Variants in HECW1 observed in about 807,000 individuals in gnomAD.
The protein encoded by HECW1 is E3 ubiquitin-protein ligase HECW1.
In HECW1, 61 loss-of-function variants were observed where a neutral mutation model predicts 182.3. The ratio of observed to expected loss-of-function variants is 0.33; its 90% CI spans 0.27 to 0.41. The LOEUF (loss-of-function observed/expected upper bound fraction) is 0.41, where lower values mean the gene tolerates loss of function less well. HECW1 is among the 10% of genes least tolerant of loss of function. The pLI is 1.00. For missense variants in HECW1, 1,739 were observed against 2,108.9 expected (o/e 0.82, Z 3.44); for synonymous variants, 859 against 832.6 (o/e 1.03, Z -0.55).
chr7:43,171,640 C>G (rs1791704793), intron 2 of HECW1, among the ~76,000 whole-genome samples: 1 of 152,186 alleles, frequency 6.6e-6, no homozygotes, highest in South Asian at 2.1e-4. Context: ...GGGCGTTTAG[C>G]TCATATCCTA....
At chr7:43,338,823 TAA>T (rs529051887) in intron 5 of HECW1, among the ~76,000 whole-genome samples, 6 of 138,308 alleles carry the variant, frequency 4.3e-5, no homozygotes, top group African/African-American at 2.8e-5. Flanking sequence ...CATTTTCCTC[TAA>T]AAAAAAAAAA....
At chr7:43,200,889 G>A (rs1158191042) in intron 2 of HECW1, among the ~76,000 whole-genome samples, 2 of 152,206 alleles carry the variant, frequency 1.3e-5, no homozygotes, top group African/African-American at 4.8e-5. Context: ...CAGCAAGATG[G>A]GAAACCTTAC....
Position 43,436,895 on chromosome 7 carries a change from C to CA in HECW1, c.802-1107dup, listed in dbSNP as rs1351761840. On this transcript the variant is annotated intron_variant, in intron 8 of 29. Coordinates refer to ENST00000395891, the MANE Select transcript of HECW1 (RefSeq NM_015052.5). The stretch of plus-strand genomic sequence containing the variant: ...TGTATATTGTTTTGAGATGGAGTCT[C>CA]ACTCTGTCACCCAGGCTGGAGTCCA... Among the ~76,000 whole-genome samples the CA allele has an allele frequency of 2.0e-5, 3 of 152,228 alleles. No individual in the cohort carries two copies. The East Asian group carries it at 5.8e-4, about 29-fold the overall frequency.
chr7:43,305,489 C>G (rs1807428111), intron 3 of HECW1, among the ~76,000 whole-genome samples: 1 of 152,050 alleles, frequency 6.6e-6, no homozygotes, highest in Non-Finnish European at 1.5e-5. Context: ...GGCTCAAATC[C>G]CCATTTCCTG....
At chr7:43,308,778 C>T (rs1038972842) in intron 3 of HECW1, among the ~76,000 whole-genome samples, 2 of 152,116 alleles carry the variant, frequency 1.3e-5, no homozygotes, top group Non-Finnish European at 2.9e-5. Context: ...CCTGCCAACA[C>T]GCCCGGCTAA....
At chr7:43,115,956 C>A (rs1785010720) in intron 2 of HECW1, among the ~76,000 whole-genome samples, 1 of 152,144 alleles carries the variant, frequency 6.6e-6, no homozygotes, top group Non-Finnish European at 1.5e-5. Flanking sequence ...ATTCATCTCT[C>A]CAGCACCTAG....
intron 6 of HECW1, among the ~76,000 whole-genome samples, chr7:43,367,368 A>C (rs1584649875): frequency 6.6e-6 from 1 of 152,248 alleles, no homozygotes; most frequent in East Asian, 1.9e-4. Flanking sequence ...CAAAATTTTG[A>C]GACTTAGTCC....
chr7:43,355,475 A>T (rs774111518), intron 5 of HECW1, among the ~76,000 whole-genome samples: 4 of 151,896 alleles, frequency 2.6e-5, no homozygotes, highest in Non-Finnish European at 5.9e-5. Flanking sequence ...CTTTTTTTTA[A>T]ATTTGTTCTT....
chr7:43,398,597 G>A (rs921925468), intron 7 of HECW1, among the ~76,000 whole-genome samples: 14 of 151,908 alleles, frequency 9.2e-5, no homozygotes, highest in Admixed American at 7.2e-4. Flanking sequence ...GTGTTAGCAT[G>A]TGTATATCTA....
intron 19 of HECW1, among the ~76,000 whole-genome samples, chr7:43,496,766 G>T (rs1309057252): frequency 6.6e-6 from 1 of 152,264 alleles, no homozygotes; most frequent in East Asian, 1.9e-4. Flanking sequence ...TGACAGCAGT[G>T]ACTTGCGGTG....
intron 16 of HECW1, among the ~76,000 whole-genome samples, chr7:43,478,454 T>C (rs1303511906): frequency 6.6e-6 from 1 of 152,158 alleles, no homozygotes; most frequent in Non-Finnish European, 1.5e-5. Flanking sequence ...AGCATTATTT[T>C]AAAACAGTAA....
At chr7:43,384,928 G>A (rs2074708324) in intron 6 of HECW1, among the ~76,000 whole-genome samples, 1 of 151,826 alleles carries the variant, frequency 6.6e-6, no homozygotes, top group African/African-American at 2.4e-5. Context: ...TTAAAAAGTA[G>A]AATCAAAGCA....
At chr7:43,247,937 GA>G (rs1799580522) in intron 3 of HECW1, among the ~76,000 whole-genome samples, 2 of 135,070 alleles carry the variant, frequency 1.5e-5, no homozygotes, top group Non-Finnish European at 3.1e-5. Context: ...GGAAAAAAGA[GA>G]GAGAAAAAAG....
At chr7:43,405,217 G>A (rs571927726) in intron 7 of HECW1, among the ~76,000 whole-genome samples, 7 of 152,220 alleles carry the variant, frequency 4.6e-5, no homozygotes, top group East Asian at 3.9e-4. Flanking sequence ...AGGTGGTGGT[G>A]GAGGCAATGG....
chr7:43,472,106 T>C (rs571518849), intron 16 of HECW1, among the ~76,000 whole-genome samples: 3 of 152,138 alleles, frequency 2.0e-5, no homozygotes, highest in South Asian at 4.1e-4. Context: ...AAGGTAATAA[T>C]AGCATAGGGA....
At chr7:43,514,286 TTTTTC>T (rs964940134) in intron 24 of HECW1, among the ~76,000 whole-genome samples, 55 of 150,418 alleles carry the variant, frequency 3.7e-4, no homozygotes, top group African/African-American at 1.3e-3. Context: ...CCAAATTTCT[TTTTTC>T]TTTTCTTTTC....
intron 4 of HECW1, among the ~76,000 whole-genome samples, chr7:43,315,450 C>G (rs187543517): frequency 6.9e-6 from 1 of 145,180 alleles, no homozygotes; most frequent in Non-Finnish European, 1.5e-5. Flanking sequence ...CCATATCTCC[C>G]GTCCCATTAT....
At chr7:43,253,812 G>T (rs1332707730) in intron 3 of HECW1, among the ~76,000 whole-genome samples, 3 of 152,172 alleles carry the variant, frequency 2.0e-5, no homozygotes, top group African/African-American at 7.2e-5. Flanking sequence ...GGAAGCTGAG[G>T]CAGAAGAGTC....
chr7:43,417,267 C>T (rs2076042315), intron 8 of HECW1, among the ~76,000 whole-genome samples: 1 of 152,154 alleles, frequency 6.6e-6, no homozygotes, highest in African/African-American at 2.4e-5. Context: ...CCAGGCTTGT[C>T]TCAAACTCCT....
Sources: allele counts gnomAD v4.1 joint callset (sites outside exome capture counted in the v4.1 genomes callset), GRCh38; gene constraint gnomAD v4.1.1; transcripts MANE v1.5; gene names NCBI Gene and HGNC (gene_info 2026-07-23, HGNC 2026-07-21).